TIMP2: variants seen among roughly 807,000 people sequenced by gnomAD.
The protein encoded by TIMP2 is TIMP metallopeptidase inhibitor 2, also known as metalloproteinase inhibitor 2.
Under a neutral mutation model 24.3 loss-of-function variants are expected in TIMP2, and 5 were observed. That is an observed-to-expected ratio of 0.21 (90% CI 0.11 to 0.43). TIMP2 has a LOEUF of 0.43. Ranked by LOEUF, TIMP2 falls within the 20% of genes least tolerant of loss-of-function variation. The pLI, the probability that TIMP2 is intolerant of heterozygous loss-of-function variation, is 1.00. For synonymous variants in TIMP2, 130 were observed against 123.2 expected, an observed-to-expected ratio of 1.06 and a Z score of -0.37; for missense variants, 221 against 297.5, an observed-to-expected ratio of 0.74 and a Z score of 1.89.
intron 3 of TIMP2, among the ~76,000 whole-genome samples, chr17:78,865,222 T>C (rs1028688705): frequency 6.6e-6 from 1 of 152,260 alleles, no homozygotes; most frequent in East Asian, 1.9e-4. Flanking sequence ...TGTCAGGGGC[T>C]GGGCAAACAG....
At chr17:78,894,196 C>CG (rs1199806793) in intron 1 of TIMP2, among the ~76,000 whole-genome samples, 1 of 151,856 alleles carries the variant, frequency 6.6e-6, no homozygotes, top group East Asian at 1.9e-4. Context: ...AGCTCCTACC[C>CG]CCCCCGGTTC....
intron 1 of TIMP2, among the ~76,000 whole-genome samples, chr17:78,900,483 T>C (rs183741868): frequency 6.6e-6 from 1 of 151,060 alleles, no homozygotes; most frequent in African/African-American, 2.4e-5. Context: ...AGGCGGAGGT[T>C]GCAGTGAGCC....
intron 1 of TIMP2, among the ~76,000 whole-genome samples, chr17:78,923,396 T>TAG (rs1555653534): frequency 2.1e-5 from 1 of 47,662 alleles, no homozygotes; most frequent in African/African-American, 8.9e-5. Context: ...TGGGGCGGGG[T>TAG]GGGGGGGGGG....
At position 78,891,755 on chromosome 17, in the gene TIMP2, AGGT is replaced by A; in HGVS notation, c.131-17839_131-17837del. On this transcript the variant is annotated intron_variant, in intron 1 of 4. Coordinates refer to ENST00000262768, the MANE Select transcript of TIMP2 (RefSeq NM_003255.5). This position sits in a 1 kb window ranked among gnomAD's most constrained non-coding sequence, Gnocchi z 4.5. ...AGCCACGAGTGGGTTTGACCTTTCT[AGGT>A]CCGCCCCTTTGCTCCTCCGAGGATG... 3 of 1,551,060 alleles carry A rather than the reference AGGT, an allele frequency of 1.9e-6. No individual in the cohort carries two copies. Among genetic ancestry groups the A allele is most frequent in the Non-Finnish European group, 2.6e-6 (3 of 1,147,096 alleles).
At chr17:78,886,312 C>A (rs2069824743) in intron 1 of TIMP2, among the ~76,000 whole-genome samples, 1 of 152,212 alleles carries the variant, frequency 6.6e-6, no homozygotes, top group South Asian at 2.1e-4. Context: ...AAATAACCCA[C>A]TCAAAGGCAG....
At chr17:78,881,880 C>T (rs139223677) in intron 1 of TIMP2, among the ~76,000 whole-genome samples, 317 of 152,368 alleles carry the variant, frequency 2.1e-3, no homozygotes, top group Non-Finnish European at 3.3e-3. Context: ...TATAACTTGG[C>T]GTTGCCATTG....
chr17:78,892,326 C>G, intron 1 of TIMP2: 1 of 1,550,676 alleles, frequency 6.4e-7, no homozygotes. Flanking sequence ...ATGGCTCCAT[C>G]CATGTTTCTG....
At chr17:78,864,595 T>G (rs919921736) in intron 3 of TIMP2, among the ~76,000 whole-genome samples, 1 of 152,138 alleles carries the variant, frequency 6.6e-6, no homozygotes, top group Non-Finnish European at 1.5e-5. Context: ...CACCTTTAGT[T>G]CTGTGTCCTC....
chr17:78,883,041 T>C (rs1415369477), intron 1 of TIMP2, among the ~76,000 whole-genome samples: 2 of 152,266 alleles, frequency 1.3e-5, no homozygotes, highest in African/African-American at 2.4e-5. Context: ...GGCCGTGACT[T>C]GGTAATTAAA....
rs2070341723 is a variant in TIMP2, at chr17:78,925,218, T to G, written c.-130A>C. 1 of 177,480 alleles carries G rather than the reference T, an allele frequency of 5.6e-6. No homozygotes were observed. The highest frequency in any genetic ancestry group is 2.6e-5 in the African/African-American group (1 of 39,122). 11.0% of individuals were successfully genotyped at this position (177,480 alleles called of 1,614,324 possible). On this transcript the variant is annotated 5_prime_UTR_variant, in exon 1 of 5. Transcript: ENST00000262768. The stretch of plus-strand genomic sequence containing the variant: ...CGGGCCCCTCCCGCGCGGCTCACCC[T>G]CCTCACCTGCCCCGCTCGGCCGCGC...
At chr17:78,873,438 C>T (rs904677402) in intron 2 of TIMP2, among the ~76,000 whole-genome samples, 14 of 152,014 alleles carry the variant, frequency 9.2e-5, no homozygotes, top group African/African-American at 3.4e-4. Flanking sequence ...ATAGCTGGGA[C>T]CACAGGTGGG....
At chr17:78,885,678 G>GGGGTGTGGGAAGAGAGATGCTGGAAGCT (rs2069819626) in intron 1 of TIMP2, among the ~76,000 whole-genome samples, 1 of 152,096 alleles carries the variant, frequency 6.6e-6, no homozygotes, top group African/African-American at 2.4e-5. Context: ...CTGGGTGTGA[G>GGGGTGTGGGAAGAGAGATGCTGGAAGCT]GGGTGTGAGG....
rs993185192 is a variant in TIMP2 at position 78,920,673 on chromosome 17, T to A, written c.130+4286A>T. ...TCTATCCTCACATCTTGCAAATGCA[T>A]TTCACATTGTCACATGATTACTCCT... On this transcript the variant is annotated intron_variant, in intron 1 of 4. Coordinates refer to ENST00000262768, the MANE Select transcript of TIMP2 (RefSeq NM_003255.5). This position sits in a 1 kb window ranked among gnomAD's most constrained non-coding sequence, Gnocchi z 4.5. Among the ~76,000 whole-genome samples the A allele has an allele frequency of 3.3e-5, 5 of 152,216 alleles. No individual in the cohort carries two copies. Among genetic ancestry groups the A allele is most frequent in the African/African-American group, 1.2e-4 (5 of 41,458 alleles).
intron 1 of TIMP2, among the ~76,000 whole-genome samples, chr17:78,916,236 G>A (rs1312720469): frequency 2.0e-5 from 3 of 152,102 alleles, no homozygotes; most frequent in Non-Finnish European, 4.4e-5. Flanking sequence ...ACCTGTCCCG[G>A]ATCGCTCTGC....
intron 1 of TIMP2, chr17:78,902,808 C>T (rs943337562): frequency 1.1e-4 from 17 of 152,380 alleles, no homozygotes; most frequent in African/African-American, 4.1e-4. Flanking sequence ...CAGCCTAGGT[C>T]AGGGGTCCCC....
At chr17:78,880,758 C>T (rs2069772631) in intron 1 of TIMP2, among the ~76,000 whole-genome samples, 1 of 152,204 alleles carries the variant, frequency 6.6e-6, no homozygotes, top group African/African-American at 2.4e-5. Flanking sequence ...ATTGAATTCT[C>T]TTTATTATCT....
rs538422339 is a variant in TIMP2, at chr17:78,891,482, A to G, written c.131-17563T>C. 7.1e-6 allele frequency: 11 copies of G among 1,551,132 alleles called. No individual in the cohort carries two copies. The African/African-American group carries it at 1.4e-4, about 19-fold the overall frequency. On this transcript the variant is annotated intron_variant, in intron 1 of 4. Coordinates refer to ENST00000262768, the MANE Select transcript of TIMP2 (RefSeq NM_003255.5). This position sits in a 1 kb window ranked among gnomAD's most constrained non-coding sequence, Gnocchi z 4.5. ...AAACAACTCTTCAAAGGCCAACTCC[A>G]GCTCTTTCTGCCACTTGTTCTTCTC...
intron 1 of TIMP2, chr17:78,922,358 AGGCAGCCTGGTGTAT>A (rs1227317332): frequency 6.6e-6 from 1 of 152,248 alleles, no homozygotes; most frequent in Non-Finnish European, 1.5e-5. Context: ...GAATAAGAGA[AGGCAGCCTGGTGTAT>A]GGGCTGAATT....
At chr17:78,912,135 A>G (rs9898050) in intron 1 of TIMP2, among the ~76,000 whole-genome samples, 92,219 of 151,992 alleles carry the variant, frequency 0.61, 28,379 homozygotes, top group African/African-American at 0.71. Flanking sequence ...AGAGGAAACC[A>G]AGGCTCAGAG....
Sources: gnomAD v4.1 joint callset for allele counts (sites outside exome capture counted in the v4.1 genomes callset) on GRCh38, gnomAD v4.1.1 for gene constraint, Gnocchi (gnomAD v3.1) non-coding constraint, MANE v1.5 for transcripts, NCBI Gene and HGNC (gene_info 2026-07-23, HGNC 2026-07-21) for gene names.